KIFC3: variants seen among roughly 807,000 people sequenced by gnomAD.
KIFC3 encodes kinesin-like protein KIFC3.
KIFC3 carries 60 observed loss-of-function variants against 101.8 expected under a neutral mutation model. That is an observed-to-expected ratio of 0.59 (90% confidence interval 0.48 to 0.73). KIFC3 has a LOEUF of 0.73. Ranked by LOEUF, KIFC3 falls within the 30% of genes least tolerant of loss-of-function variation. The pLI is 0.00. For synonymous variants in KIFC3, 476 were observed against 482.7 expected, an observed-to-expected ratio of 0.99 and a Z score of 0.18; for missense variants, 966 against 1,137.1, an observed-to-expected ratio of 0.85 and a Z score of 2.16.
Position 57,795,061 on chromosome 16 carries a change from G to C in KIFC3, c.253C>G (p.Arg85Gly). The C allele has an allele frequency of 1.2e-6, 2 of 1,604,702 alleles. No homozygotes were observed. The highest frequency in any genetic ancestry group is 1.1e-5 in the South Asian group (1 of 90,068). Residue 85 changes from arginine to glycine, a missense_variant, in exon 3 of 20, where the codon CGA becomes GGA. Physicochemically the swap from Arg to Gly is moderately radical, Grantham distance 125. Around this residue, in one of 2 missense-constraint regions of KIFC3, gnomAD observed 277 missense variants for 252.5 expected, o/e 1.10. Coordinates refer to ENST00000445690, the MANE Select transcript of KIFC3 (RefSeq NM_001130100.2). ...CCAGCCCAGTCCACGCTAAGGGCTC[G>C]GCACTGAGCTAGGGCTGGGCGAGCT... Reference protein sequence around the residue: ...SAARPALAQCRALSVDWAGPG... With the variant: ...SAARPALAQCGALSVDWAGPG...
At chr16:57,759,265 G>A (rs1210690108) in intron 18 of KIFC3, 112 bp from the exon 19 acceptor site, 3 of 1,297,124 alleles carry the variant, frequency 2.3e-6, no homozygotes, top group African/African-American at 2.9e-5. Context: ...GCCCTCCCAT[G>A]ATCTGGGCTA....
In KIFC3 at chr16:57,758,683, C is replaced by T. The variant is rs533628264; in HGVS notation, c.*251G>A. 2.8e-6 allele frequency: 2 copies of T among 718,440 alleles called. No individual in the cohort carries two copies. Among genetic ancestry groups the T allele is most frequent in the Non-Finnish European group, 5.0e-6 (2 of 400,116 alleles). 44.5% of individuals were successfully genotyped at this position (718,440 alleles called of 1,614,324 possible). On this transcript the variant is annotated 3_prime_UTR_variant, in exon 20 of 20. Transcript: ENST00000445690. ...CCAGGCCTGCCAGGAAGAGCAGCCA[C>T]CCCCGCCTTTCCGCCCATGCAATTT...
chr16:57,767,847 A>G (rs1253416032), intron 9 of KIFC3, among the ~76,000 whole-genome samples: 3 of 151,884 alleles, frequency 2.0e-5, no homozygotes, highest in Non-Finnish European at 2.9e-5. Context: ...TAGTTTTTTT[A>G]TATTTTTTTG....
intron 1 of KIFC3, chr16:57,830,642 C>T (rs562904688): frequency 8.5e-5 from 13 of 152,326 alleles, no homozygotes; most frequent in African/African-American, 3.1e-4. Flanking sequence ...AAAGCGAGCA[C>T]TGTTTTCCTT....
At chr16:57,797,073 A>C (rs1555623338) in intron 2 of KIFC3, among the ~76,000 whole-genome samples, 1 of 152,230 alleles carries the variant, frequency 6.6e-6, no homozygotes, top group Non-Finnish European at 1.5e-5. Flanking sequence ...CCATAGAAGC[A>C]GAGAGACCTC....
intron 3 of KIFC3, among the ~76,000 whole-genome samples, chr16:57,783,475 T>TTTTC (rs1555615943): frequency 7.5e-6 from 1 of 134,026 alleles, no homozygotes; most frequent in African/African-American, 3.0e-5. Context: ...TTCTTTTCTT[T>TTTTC]TTTTTTTTTT....
At chr16:57,855,332 C>A (rs999947576) in intron 1 of KIFC3, among the ~76,000 whole-genome samples, 2 of 151,886 alleles carry the variant, frequency 1.3e-5, no homozygotes, top group African/African-American at 4.8e-5. Flanking sequence ...ACCATATTGG[C>A]CAGGCTGGTC....
At chr16:57,763,238 T>C (rs1217156037) in intron 12 of KIFC3, among the ~76,000 whole-genome samples, 4 of 152,102 alleles carry the variant, frequency 2.6e-5, no homozygotes, top group Non-Finnish European at 5.9e-5. Flanking sequence ...GCAGATACAC[T>C]TGAGGATGAA....
At chr16:57,761,679 C>A in intron 13 of KIFC3, 143 bp from the exon 14 acceptor site, 1 of 863,590 alleles carries the variant, frequency 1.2e-6, no homozygotes, top group South Asian at 1.6e-5. Flanking sequence ...CCTCCTCCAG[C>A]TCCTCCACCG....
rs1043014267 is a variant in KIFC3 at position 57,854,569 on chromosome 16, A to T, written c.108+8160T>A. On this transcript the variant is annotated intron_variant, in intron 1 of 2. Coordinates refer to the KIFC3 transcript ENST00000563028. ...CTTGAACCTGGGAGGTGGAGGTTGC[A>T]GTGAGTTGAGATCGCGCCACTCCAC... 3.3e-5 allele frequency among the ~76,000 whole-genome samples: 5 copies of T among 151,550 alleles called. No homozygotes were observed. In the Admixed American group the frequency reaches 3.3e-4, roughly 10 times the overall value.
chr16:57,764,989 G>A (rs1555601444), intron 11 of KIFC3, among the ~76,000 whole-genome samples: 1 of 151,660 alleles, frequency 6.6e-6, no homozygotes. Flanking sequence ...TTGGGAGTGG[G>A]CAGGGCCATG....
intron 1 of KIFC3, chr16:57,810,712 C>A: frequency 1.0e-6 from 1 of 984,542 alleles, no homozygotes; most frequent in Non-Finnish European, 1.2e-6. Flanking sequence ...CAGCTTCATG[C>A]CAGGCAAAGG....
intron 9 of KIFC3, 26 bp from the exon 10 acceptor site, chr16:57,767,011 AG>A: frequency 6.3e-7 from 1 of 1,580,636 alleles, no homozygotes. Flanking sequence ...CACCACTGTC[AG>A]GGGGACGGCT....
chr16:57,763,484 T>A (rs1157524887), intron 12 of KIFC3, among the ~76,000 whole-genome samples: 1 of 152,024 alleles, frequency 6.6e-6, no homozygotes, highest in Non-Finnish European at 1.5e-5. Context: ...CCACCTGGCC[T>A]CCTCCTGACC....
At chr16:57,836,273 C>T (rs114002402) in intron 1 of KIFC3, among the ~76,000 whole-genome samples, 286 of 152,214 alleles carry the variant, frequency 1.9e-3, no homozygotes, top group African/African-American at 6.0e-3. Context: ...CCACTACACC[C>T]GGCTAATTTT....
At chr16:57,762,088 A>G in intron 13 of KIFC3, 52 bp downstream of exon 13, 1 of 1,520,098 alleles carries the variant, frequency 6.6e-7, no homozygotes. Flanking sequence ...ACCACCCCGG[A>G]GGACCCCAAA....
intron 3 of KIFC3, among the ~76,000 whole-genome samples, chr16:57,786,295 C>A (rs782551629): frequency 2.0e-5 from 3 of 152,222 alleles, no homozygotes; most frequent in Admixed American, 2.0e-4. Context: ...AAACACCCGG[C>A]TGGGCAGAAG....
At chr16:57,862,850 C>A in exon 1 of KIFC3, 1 of 1,238,610 alleles carries the variant, frequency 8.1e-7, no homozygotes, top group Non-Finnish European at 1.1e-6. Flanking sequence ...CCGAGCAATA[C>A]GTTTTACTGG....
chr16:57,817,661 A>G, intron 1 of KIFC3, among the ~76,000 whole-genome samples: 1 of 152,186 alleles, frequency 6.6e-6, no homozygotes, highest in African/African-American at 2.4e-5. Flanking sequence ...TATTGGACTT[A>G]AGGCCTACGC....
Sources: gnomAD v4.1 joint callset for allele counts (sites outside exome capture counted in the v4.1 genomes callset) on GRCh38, gnomAD v4.1.1 for gene constraint, gnomAD v4.1.1 regional missense constraint, MANE v1.5 for transcripts, NCBI Gene and HGNC (gene_info 2026-07-23, HGNC 2026-07-21) for gene names.